The following PLOD1 variants were observed in gnomAD, a reference collection of about 807,000 sequenced individuals.
The protein encoded by PLOD1 is procollagen-lysine,2-oxoglutarate 5-dioxygenase 1.
PLOD1 carries 70 observed loss-of-function variants against 94.7 expected under a neutral mutation model. The observed-to-expected ratio is 0.74, with a 90% CI of 0.61 to 0.90. The LOEUF (loss-of-function observed/expected upper bound fraction) is 0.90. PLOD1 is among the 40% of genes least tolerant of loss of function. The pLI is 0.00. For missense variants in PLOD1, 905 were observed against 972.7 expected, an observed-to-expected ratio of 0.93 and a Z score of 0.93; for synonymous variants, 417 against 400.2, an observed-to-expected ratio of 1.04 and a Z score of -0.50.
intron 1 of PLOD1, among the ~76,000 whole-genome samples, chr1:11,945,015 C>A (rs1035631103): frequency 6.6e-6 from 1 of 152,212 alleles, no homozygotes; most frequent in African/African-American, 2.4e-5. Flanking sequence ...CAGTGTGGGT[C>A]TTGCCTCTGT....
intron 1 of PLOD1, among the ~76,000 whole-genome samples, chr1:11,945,013 G>T (rs1645640822): frequency 6.6e-6 from 1 of 152,210 alleles, no homozygotes; most frequent in South Asian, 2.1e-4. Context: ...TGCAGTGTGG[G>T]TCTTGCCTCT....
intron 12 of PLOD1, 87 bp downstream of exon 12, chr1:11,964,387 G>T: frequency 1.5e-6 from 2 of 1,374,532 alleles, no homozygotes; most frequent in African/African-American, 1.4e-5. Context: ...TATTATTCCT[G>T]TTCTTGTTAC....
rs556962471 is a variant in PLOD1, at chr1:11,963,988, G to A, written c.1203-187G>A. The stretch of plus-strand genomic sequence containing the variant: ...CCCTGTCTGCTCCTGGCTGCCCCAT[G>A]GGAGGGAGCAGGTACCAGAAGAGCC... On this transcript the variant is annotated intron_variant, in intron 11 of 18. Transcript: ENST00000196061. This position sits in a 1 kb window ranked among gnomAD's most constrained non-coding sequence, Gnocchi z 4.3. 9.2e-5 allele frequency among the ~76,000 whole-genome samples: 14 copies of A among 152,250 alleles called. No homozygotes were observed. The highest frequency in any genetic ancestry group is 1.9e-4 in the Non-Finnish European group (13 of 68,002).
chr1:11,957,402 G>T lies in PLOD1; in HGVS notation c.741+388G>T, dbSNP rs888306875. ...CGGATGTCCTGCATTCATGGTGACAGAAGGGACTGGGTGCAGATGCGGCCA... is the reference window on the plus strand; with the variant it reads ...CGGATGTCCTGCATTCATGGTGACATAAGGGACTGGGTGCAGATGCGGCCA... On this transcript the variant is annotated intron_variant, in intron 7 of 18. Transcript: ENST00000196061. This position sits in a 1 kb window ranked among gnomAD's most constrained non-coding sequence, Gnocchi z 4.1. Among the ~76,000 whole-genome samples, 2 of 152,200 alleles carry T rather than the reference G, an allele frequency of 1.3e-5. No homozygotes were observed.
At chr1:11,954,310 C>CAAAAA (rs754503001) in intron 5 of PLOD1, 14 of 161,604 alleles carry the variant, frequency 8.7e-5, no homozygotes, top group South Asian at 2.8e-4. Flanking sequence ...CCATCTCTAG[C>CAAAAA]AAAAAAAAAA....
rs114812198 is a variant in PLOD1 at position 11,974,167 on chromosome 1, C to G, written c.2029-486C>G. Among the ~76,000 whole-genome samples the G allele has an allele frequency of 6.3e-3, 949 of 151,690 alleles. 10 individuals carry two copies. Among genetic ancestry groups the G allele is most frequent in the African/African-American group, 0.022 (900 of 41,358 alleles). Reference sequence around the variant, plus strand: ...GATGTCTGCCCAGGGCTGCCTGACTCCAAGGACAGAGCTCTTGATCACTTA... The same window carrying G: ...GATGTCTGCCCAGGGCTGCCTGACTGCAAGGACAGAGCTCTTGATCACTTA... On this transcript the variant is annotated intron_variant, in intron 18 of 18. Coordinates refer to ENST00000196061, the MANE Select transcript of PLOD1 (RefSeq NM_000302.4).
rs144226170 is a variant in PLOD1 at position 11,957,876 on chromosome 1, G to A, written c.776G>A (p.Arg259His). 1.5e-4 allele frequency: 250 copies of A among 1,613,976 alleles called. No individual in the cohort carries two copies. In the African/African-American group the frequency reaches 2.4e-3, roughly 15 times the overall value. Residue 259 changes from arginine (R) to histidine (H), a missense_variant, in exon 8 of 19, where the codon CGC (arginine) becomes CAC (histidine). Transcript: ENST00000196061. This position sits in a 1 kb window ranked among gnomAD's most constrained non-coding sequence, Gnocchi z 4.1. ...QLNYLGNYIPRFWTFETGCTV... is the reference protein window; with the variant it reads ...QLNYLGNYIPHFWTFETGCTV... The stretch of plus-strand genomic sequence containing the variant: ...AACTACCTGGGCAACTACATCCCGC[G>A]CTTCTGGACCTTCGAAACAGGCTGC...
At chr1:11,947,466 A>T (rs1435392294) in intron 1 of PLOD1, among the ~76,000 whole-genome samples, 2 of 151,618 alleles carry the variant, frequency 1.3e-5, no homozygotes, top group East Asian at 3.9e-4. Context: ...GCTACTTGGG[A>T]GGCTGAGGCA....
At chr1:11,935,712 C>T (rs1376946562) in intron 1 of PLOD1, among the ~76,000 whole-genome samples, 1 of 151,918 alleles carries the variant, frequency 6.6e-6, no homozygotes, top group Non-Finnish European at 1.5e-5. Flanking sequence ...GCAACCTCCA[C>T]CTCCCAGGTT....
intron 1 of PLOD1, among the ~76,000 whole-genome samples, chr1:11,943,769 C>T (rs372831053): frequency 1.3e-5 from 2 of 152,200 alleles, no homozygotes; most frequent in Admixed American, 6.5e-5. Context: ...GCCTGGCCAC[C>T]GTCCCTGGCT....
Position 11,960,744 on chromosome 1 carries a change from T to A in PLOD1, c.1074T>A (p.Asn358Lys), listed in dbSNP as rs761174430. ...KLVGPEVRMA[N>K]ADARNMGADL... Reference sequence around the variant, plus strand: ...TGGGCCCTGAGGTGCGGATGGCGAATGCAGATGCCAGGAACATGGGCGCGT... The same window carrying A: ...TGGGCCCTGAGGTGCGGATGGCGAAAGCAGATGCCAGGAACATGGGCGCGT... Residue 358 changes from asparagine (N) to lysine (K), a missense_variant, in exon 10 of 19, where the codon AAT (asparagine) becomes AAA (lysine). Asn to Lys is a moderately conservative substitution (Grantham distance 94, BLOSUM62 0). Transcript: ENST00000196061. The A allele has an allele frequency of 1.9e-6, 3 of 1,613,262 alleles. No individual in the cohort carries two copies. In the Admixed American group the frequency reaches 5.0e-5, roughly 27 times the overall value.
At chr1:11,939,685 G>A (rs1480101084) in intron 1 of PLOD1, among the ~76,000 whole-genome samples, 1 of 152,074 alleles carries the variant, frequency 6.6e-6, no homozygotes, top group East Asian at 1.9e-4. Flanking sequence ...TCAGCTCACT[G>A]CAACCTCTGC....
At chr1:11,967,657 TA>T (rs200641110) in intron 16 of PLOD1, among the ~76,000 whole-genome samples, 3,267 of 104,724 alleles carry the variant, frequency 0.031, 233 homozygotes, top group African/African-American at 0.1. Flanking sequence ...TATATATATA[TA>T]TTTTTTTTAA....
Position 11,937,210 on chromosome 1 carries a change from C to T in PLOD1, c.76+2355C>T, listed in dbSNP as rs72860407. ...GTTGTGCCCAAGGCCCCACGTCTCCCAGTGGTAAAGCCGGCGGTGCTTGCT... is the reference window on the plus strand; with the variant it reads ...GTTGTGCCCAAGGCCCCACGTCTCCTAGTGGTAAAGCCGGCGGTGCTTGCT... On this transcript the variant is annotated intron_variant, in intron 1 of 18. Transcript: ENST00000196061. Among the ~76,000 whole-genome samples, 142 of 152,316 alleles carry T rather than the reference C, an allele frequency of 9.3e-4. 1 individual carries two copies. Among genetic ancestry groups the T allele is most frequent in the African/African-American group, 3.3e-3 (137 of 41,580 alleles).
At chr1:11,944,619 C>T (rs755180775) in intron 1 of PLOD1, 2 of 1,365,030 alleles carry the variant, frequency 1.5e-6, no homozygotes, top group South Asian at 1.1e-5. Flanking sequence ...GGAGCCCTTC[C>T]CCAAGTGTGA....
At position 11,956,906 on chromosome 1, in the gene PLOD1, C is replaced by T. The variant is rs375303994; in HGVS notation, c.644-11C>T. On this transcript the variant is annotated splice_polypyrimidine_tract_variant and intron_variant, in intron 6 of 18. Coordinates refer to ENST00000196061, the MANE Select transcript of PLOD1 (RefSeq NM_000302.4). ...CTGATGCTGGGTGGGACTGTGCTTT[C>T]TGACCCCCAGATGAGGTCGTGCTCA... is the stretch of plus-strand genomic sequence containing the variant. 1.3e-4 allele frequency: 204 copies of T among 1,599,600 alleles called. 2 individuals are homozygous for T. Among genetic ancestry groups the T allele is most frequent in the South Asian group, 7.6e-4 (69 of 90,796 alleles).
At position 11,934,769 on chromosome 1, in the gene PLOD1, A is replaced by G; in HGVS notation, c.-11A>G. On this transcript the variant is annotated 5_prime_UTR_variant, in exon 1 of 19. Transcript: ENST00000196061. ...CCGCCGGGTCGGCCGATCGTCCCCC[A>G]TACCTCGGCCATGCGGCCCCTGCTG... The G allele has an allele frequency of 6.5e-7, 1 of 1,534,546 alleles. No homozygotes were observed. Among genetic ancestry groups the G allele is most frequent in the Non-Finnish European group, 8.7e-7 (1 of 1,144,194 alleles).
chr1:11,939,872 T>C (rs1238376559), intron 1 of PLOD1, among the ~76,000 whole-genome samples: 2 of 152,098 alleles, frequency 1.3e-5, no homozygotes, highest in Non-Finnish European at 2.9e-5. Flanking sequence ...CCTCCCAAAG[T>C]GCTAGGATTA....
chr1:11,946,746 G>C (rs191845131), intron 1 of PLOD1, among the ~76,000 whole-genome samples: 8 of 151,232 alleles, frequency 5.3e-5, no homozygotes, highest in Non-Finnish European at 8.9e-5. Context: ...CATGCTTCAT[G>C]ACATGTTGGT....
Sources: allele counts gnomAD v4.1 joint callset (sites outside exome capture counted in the v4.1 genomes callset), GRCh38; gene constraint gnomAD v4.1.1; non-coding constraint Gnocchi (gnomAD v3.1); transcripts MANE v1.5; gene names NCBI Gene and HGNC (gene_info 2026-07-23, HGNC 2026-07-21).